Variants in SPECC1 observed in about 807,000 individuals in gnomAD.
SPECC1 encodes the protein cytospin-B.
SPECC1 carries 62 observed loss-of-function variants against 104.1 expected under a neutral mutation model. The ratio of observed to expected loss-of-function variants is 0.60; its 90% CI spans 0.49 to 0.74. The LOEUF (loss-of-function observed/expected upper bound fraction) is 0.74. SPECC1 is among the 30% of genes least tolerant of loss of function. SPECC1 has a pLI of 0.00. For synonymous variants in SPECC1, 513 were observed against 501.6 expected (o/e 1.02, Z -0.30); for missense variants, 1,306 against 1,310.5 (o/e 1.00, Z 0.05).
chr17:20,122,196 G>A (rs567719217), intron 3 of SPECC1, among the ~76,000 whole-genome samples: 71 of 152,276 alleles, frequency 4.7e-4, no homozygotes, highest in Non-Finnish European at 7.5e-4. Flanking sequence ...GGGAGCTTGC[G>A]AGTCACTGTC....
At chr17:20,210,966 G>A (rs1024586091) in intron 4 of SPECC1, among the ~76,000 whole-genome samples, 6 of 152,186 alleles carry the variant, frequency 3.9e-5, no homozygotes, top group South Asian at 4.1e-4. Flanking sequence ...GAAGCTTTCC[G>A]CCTCAGTTAT....
intron 1 of SPECC1, among the ~76,000 whole-genome samples, chr17:20,092,043 G>A (rs1597679768): frequency 6.6e-6 from 1 of 152,112 alleles, no homozygotes; most frequent in Non-Finnish European, 1.5e-5. Flanking sequence ...TTAAATAGGG[G>A]TTCCCTCTCT....
chr17:20,110,349 C>T (rs1182025344), intron 2 of SPECC1, 78 bp from the exon 3 acceptor site: 63 of 1,505,462 alleles, frequency 4.2e-5, no homozygotes, highest in Non-Finnish European at 5.5e-5. Context: ...TAGCCCAGCT[C>T]CCATGCTCTG....
chr17:20,302,440 C>T (rs1484203079), intron 13 of SPECC1, among the ~76,000 whole-genome samples: 1 of 152,108 alleles, frequency 6.6e-6, no homozygotes, highest in East Asian at 1.9e-4. Flanking sequence ...GTGGCTTCTG[C>T]CTCCCAGGTG....
rs182151345 is a variant in SPECC1 at position 20,034,672 on chromosome 17, C to T, written c.-22+25248C>T. On this transcript the variant is annotated intron_variant, in intron 1 of 14. Coordinates refer to ENST00000395527, the MANE Select transcript of SPECC1 (RefSeq NM_001243439.2). ...CCAGGCTGGAGTGCAATGGTGTGAT[C>T]TTGGCTCACCGCAACCTCTGCCCCC... is the stretch of plus-strand genomic sequence containing the variant. 2.4e-4 allele frequency among the ~76,000 whole-genome samples: 34 copies of T among 142,268 alleles called. 1 individual carries two copies. In the East Asian group the frequency reaches 7.0e-3, roughly 29 times the overall value. The allele number at this position is 142,268 out of a possible 152,430, so 93.3% of individuals were successfully genotyped here. A position where few individuals can be genotyped will look rare whatever the true frequency, so the allele number is the denominator to read the frequency against.
At chr17:20,251,459 T>C (rs2039632424) in intron 9 of SPECC1, among the ~76,000 whole-genome samples, 1 of 152,162 alleles carries the variant, frequency 6.6e-6, no homozygotes, top group Admixed American at 6.5e-5. Flanking sequence ...CCCCATATTG[T>C]CACTTTTGTT....
chr17:20,157,412 G>T (rs184170771), intron 3 of SPECC1, among the ~76,000 whole-genome samples: 3 of 152,214 alleles, frequency 2.0e-5, no homozygotes, highest in African/African-American at 7.2e-5. Context: ...CACTTGTTCA[G>T]ACTATTTTTT....
At chr17:20,188,251 A>G (rs2035409901) in intron 3 of SPECC1, among the ~76,000 whole-genome samples, 1 of 123,764 alleles carries the variant, frequency 8.1e-6, no homozygotes, top group Non-Finnish European at 1.6e-5. Context: ...GTATCAAAAG[A>G]CATCCTTTTT....
intron 1 of SPECC1, among the ~76,000 whole-genome samples, chr17:20,093,524 A>G (rs1167367753): frequency 6.6e-6 from 1 of 152,136 alleles, no homozygotes; most frequent in Non-Finnish European, 1.5e-5. Context: ...GCATTTATGT[A>G]AATGAACTGG....
intron 1 of SPECC1, among the ~76,000 whole-genome samples, chr17:20,092,533 G>T (rs1301631397): frequency 6.6e-6 from 1 of 152,162 alleles, no homozygotes; most frequent in African/African-American, 2.4e-5. Context: ...ATTTCCAAGT[G>T]AAAATAGTCT....
chr17:20,061,562 C>T (rs1379175049), intron 1 of SPECC1, among the ~76,000 whole-genome samples: 37 of 152,164 alleles, frequency 2.4e-4, no homozygotes, highest in Admixed American at 1.3e-4. Flanking sequence ...GAACCTTGAA[C>T]CTTTGATTGC....
chr17:20,313,431 G>C (rs2041981931), intron 14 of SPECC1, among the ~76,000 whole-genome samples: 1 of 152,366 alleles, frequency 6.6e-6, no homozygotes, highest in African/African-American at 2.4e-5. Flanking sequence ...CAGAGTCTGT[G>C]GTGGTCACGA....
intron 13 of SPECC1, chr17:20,305,705 A>G (rs2041739660): frequency 7.6e-6 from 2 of 262,468 alleles, no homozygotes; most frequent in South Asian, 1.5e-4. Context: ...TTGATATAGC[A>G]TCATGATTAA....
chr17:20,243,997 G>A (rs560938438), intron 7 of SPECC1, among the ~76,000 whole-genome samples: 1 of 152,006 alleles, frequency 6.6e-6, no homozygotes, highest in Non-Finnish European at 1.5e-5. Context: ...CAGGCAGATT[G>A]TCTGAGCTCA....
chr17:20,064,288 G>A (rs183306958), intron 1 of SPECC1, among the ~76,000 whole-genome samples: 50 of 152,290 alleles, frequency 3.3e-4, no homozygotes, highest in African/African-American at 1.2e-3. Context: ...GTCAGAGAAC[G>A]GGCACACCAC....
Position 20,232,278 on chromosome 17 carries a change from G to A in SPECC1, c.2224G>A (p.Ala742Thr). 1 of 1,614,204 alleles carries A rather than the reference G, an allele frequency of 6.2e-7. No homozygotes were observed. Among genetic ancestry groups the A allele is most frequent in the South Asian group, 1.1e-5 (1 of 91,076 alleles). ...GGTGGCCAATGACATCAAGTGTGAG[G>A]CCCAGCAGGAGCTGCGCACCGTGAA... Reference protein sequence around the residue: ...VVVANDIKCEAQQELRTVKRK... With the variant: ...VVVANDIKCETQQELRTVKRK... The change falls in exon 7 of 15, where the codon GCC becomes ACC. Residue 742 changes from alanine to threonine, a missense_variant. This residue lies in a region of SPECC1 where 1,177 missense variants were observed against 1,139.9 expected (regional missense o/e 1.03). Transcript: ENST00000395527.
intron 3 of SPECC1, among the ~76,000 whole-genome samples, chr17:20,170,523 C>T (rs1484462784): frequency 6.6e-6 from 1 of 152,176 alleles, no homozygotes; most frequent in African/African-American, 2.4e-5. Context: ...CAGTGGAACT[C>T]CCAGGGGGGT....
At chr17:20,082,601 A>G (rs78408002) in intron 1 of SPECC1, among the ~76,000 whole-genome samples, 18,673 of 151,730 alleles carry the variant, frequency 0.12, 1,152 homozygotes, top group Non-Finnish European at 0.13. Flanking sequence ...GTCTCAAACT[A>G]TATGTGTGTA....
chr17:20,079,799 T>G (rs571999857), intron 1 of SPECC1, among the ~76,000 whole-genome samples: 2 of 152,196 alleles, frequency 1.3e-5, no homozygotes, highest in South Asian at 4.2e-4. Flanking sequence ...ATCACTGTGA[T>G]GGTGGCTGCG....
Sources: allele counts gnomAD v4.1 joint callset (sites outside exome capture counted in the v4.1 genomes callset), GRCh38; gene constraint gnomAD v4.1.1; regional missense constraint gnomAD v4.1.1; transcripts MANE v1.5; gene names NCBI Gene and HGNC (gene_info 2026-07-23, HGNC 2026-07-21).